The following NUAK1 variants were observed in gnomAD, a reference collection of about 807,000 sequenced individuals.
The protein encoded by NUAK1 is NUAK family kinase 1.
Under a neutral mutation model 56.9 loss-of-function variants are expected in NUAK1, and 26 were observed. The ratio of observed to expected loss-of-function variants is 0.46; its 90% CI spans 0.33 to 0.63. The LOEUF (loss-of-function observed/expected upper bound fraction) is 0.63, where lower values mean the gene tolerates loss of function less well. Ranked by LOEUF, NUAK1 falls within the 30% of genes least tolerant of loss-of-function variation. The pLI, the probability that NUAK1 is intolerant of heterozygous loss-of-function variation, is 0.02. For synonymous variants in NUAK1, 337 were observed against 336.0 expected, an observed-to-expected ratio of 1.00 and a Z score of -0.03; for missense variants, 727 against 876.1, an observed-to-expected ratio of 0.83 and a Z score of 2.15.
At chr12:106,102,402 C>T (rs1371681623) in intron 2 of NUAK1, among the ~76,000 whole-genome samples, 1 of 152,208 alleles carries the variant, frequency 6.6e-6, no homozygotes, top group Non-Finnish European at 1.5e-5. Flanking sequence ...CATATGGTAG[C>T]CACTAGCCTC....
At chr12:106,108,277 A>G (rs1474775379) in intron 1 of NUAK1, among the ~76,000 whole-genome samples, 1 of 152,242 alleles carries the variant, frequency 6.6e-6, no homozygotes, top group African/African-American at 2.4e-5. Context: ...CAGGCAATAG[A>G]GGAATAGCTA....
chr12:106,087,421 C>T (rs1214164868), intron 2 of NUAK1, among the ~76,000 whole-genome samples: 5 of 152,196 alleles, frequency 3.3e-5, no homozygotes, highest in Non-Finnish European at 7.3e-5. Flanking sequence ...CCCTACTACA[C>T]ACCCATTCCA....
At chr12:106,084,732 T>C (rs1016009209) in intron 3 of NUAK1, among the ~76,000 whole-genome samples, 3 of 152,168 alleles carry the variant, frequency 2.0e-5, no homozygotes, top group African/African-American at 4.8e-5. Flanking sequence ...GCCTTCTTCA[T>C]TCTTTTTTAA....
At position 106,067,186 on chromosome 12, in the gene NUAK1, G is replaced by A. The variant is rs1323347419; in HGVS notation, c.1602C>T (p.Gly534=). The change falls in exon 7 of 7, where the codon GGC becomes GGT. Residue 534 remains glycine, a synonymous_variant. Coordinates refer to ENST00000261402, the MANE Select transcript of NUAK1 (RefSeq NM_014840.3). The surrounding 1 kb of genome is among the most constrained non-coding windows in gnomAD (Gnocchi z 6.0). ...GGCTGACCAGGGCTGGGTCCATGGT[G>A]CCCGCTGAGTATTTGCTGCTGTGTT... ...ILKHSSKYSA[G]TMDPALVSPE... 6.2e-7 allele frequency: 1 copy of A among 1,614,090 alleles called. No homozygotes were observed. Among genetic ancestry groups the A allele is most frequent in the East Asian group, 2.2e-5 (1 of 44,866 alleles).
intron 4 of NUAK1, among the ~76,000 whole-genome samples, chr12:106,075,370 C>T (rs987042609): frequency 6.6e-6 from 1 of 150,900 alleles, no homozygotes; most frequent in Non-Finnish European, 1.5e-5. Flanking sequence ...ACTTAGGCTT[C>T]GGCTCTAAGA....
intron 4 of NUAK1, among the ~76,000 whole-genome samples, chr12:106,075,807 T>G (rs555303736): frequency 2.6e-5 from 4 of 152,376 alleles, no homozygotes; most frequent in African/African-American, 9.6e-5. Context: ...AAGGTCTCAG[T>G]TGGGCACTGG....
intron 4 of NUAK1, among the ~76,000 whole-genome samples, chr12:106,078,975 A>T (rs1282074125): frequency 3.3e-5 from 5 of 152,186 alleles, no homozygotes; most frequent in Non-Finnish European, 7.4e-5. Flanking sequence ...TGGACCAAAC[A>T]GTGCCCTCAT....
chr12:106,119,735 T>C (rs777255964), intron 1 of NUAK1, among the ~76,000 whole-genome samples: 3 of 152,130 alleles, frequency 2.0e-5, no homozygotes, highest in Non-Finnish European at 4.4e-5. Flanking sequence ...CAAAGAGGAA[T>C]GAAAGTTAAT....
chr12:106,067,837 A>T lies in NUAK1; in HGVS notation c.951T>A (p.Cys317Ter). The change falls in exon 7 of 7, where the codon TGT becomes TGA. Residue 317 changes from cysteine to a stop codon, truncating the protein, a stop_gained. Transcript: ENST00000261402. LOFTEE classifies it high-confidence loss of function. The surrounding 1 kb of genome is among the most constrained non-coding windows in gnomAD (Gnocchi z 6.0). ...NWGYKSSVCD[C>*]DALHDSESPL... ...GGGACTCAGAGTCATGGAGGGCATCACAGTCACACACGCTGCTCTTATAGC... is the reference window on the plus strand; with the variant it reads ...GGGACTCAGAGTCATGGAGGGCATCTCAGTCACACACGCTGCTCTTATAGC... 1.9e-6 allele frequency: 3 copies of T among 1,614,186 alleles called. No homozygotes were observed. Among genetic ancestry groups the T allele is most frequent in the Non-Finnish European group, 2.5e-6 (3 of 1,180,032 alleles).
intron 1 of NUAK1, among the ~76,000 whole-genome samples, chr12:106,129,739 C>T (rs182242550): frequency 6.6e-6 from 1 of 152,350 alleles, no homozygotes; most frequent in Non-Finnish European, 1.5e-5. Flanking sequence ...CAAGAGCCTA[C>T]TATGCACCAG....
intron 1 of NUAK1, among the ~76,000 whole-genome samples, chr12:106,112,811 C>G (rs1592859175): frequency 6.6e-6 from 1 of 152,362 alleles, no homozygotes; most frequent in East Asian, 1.9e-4. Flanking sequence ...GTATGTGTAG[C>G]TAGGAGCTTT....
intron 1 of NUAK1, among the ~76,000 whole-genome samples, chr12:106,112,157 C>T (rs1040825492): frequency 2.6e-5 from 4 of 152,042 alleles, no homozygotes; most frequent in African/African-American, 9.7e-5. Flanking sequence ...ATAAATATGG[C>T]ATTAGCATCA....
At chr12:106,136,574 G>T (rs2033131642) in intron 1 of NUAK1, among the ~76,000 whole-genome samples, 2 of 152,166 alleles carry the variant, frequency 1.3e-5, no homozygotes, top group East Asian at 1.9e-4. Context: ...ACAAGGGTTC[G>T]TTCGTTAGAA....
At chr12:106,084,699 G>A (rs540999548) in intron 3 of NUAK1, among the ~76,000 whole-genome samples, 4 of 151,792 alleles carry the variant, frequency 2.6e-5, no homozygotes, top group African/African-American at 7.3e-5. Flanking sequence ...ATAGGCTGTC[G>A]GTCTACACAG....
chr12:106,095,626 A>G (rs908369699), intron 2 of NUAK1, among the ~76,000 whole-genome samples: 14 of 152,262 alleles, frequency 9.2e-5, no homozygotes, highest in Admixed American at 9.2e-4. Context: ...CCGATTCAGC[A>G]GCAAAGGGGA....
At chr12:106,080,642 G>T (rs1485648607) in intron 4 of NUAK1, among the ~76,000 whole-genome samples, 1 of 152,222 alleles carries the variant, frequency 6.6e-6, no homozygotes, top group African/African-American at 2.4e-5. Flanking sequence ...ATCAGGCAGG[G>T]AAGGGGAGAG....
intron 4 of NUAK1, among the ~76,000 whole-genome samples, chr12:106,082,883 G>T (rs955956397): frequency 6.6e-6 from 1 of 152,170 alleles, no homozygotes; most frequent in African/African-American, 2.4e-5. Flanking sequence ...TTTGCCCAGG[G>T]ACCAGGGATA....
At chr12:106,069,922 A>G (rs1296502105) in intron 6 of NUAK1, among the ~76,000 whole-genome samples, 1 of 152,188 alleles carries the variant, frequency 6.6e-6, no homozygotes, top group East Asian at 1.9e-4. Context: ...ATTCCCCATC[A>G]AGAGATGAAG....
In NUAK1 at chr12:106,129,625, A is replaced by AT. The variant is rs148083336; in HGVS notation, c.240+8788dup. On this transcript the variant is annotated intron_variant, in intron 1 of 6. Transcript: ENST00000261402. Reference sequence around the variant, plus strand: ...TTCAGACTTTGGGTCCCATGCAACCATGGGAGGATTTTAAGCATGGAGAGC... The same window carrying AT: ...TTCAGACTTTGGGTCCCATGCAACCATTGGGAGGATTTTAAGCATGGAGAGC... 9.8e-3 allele frequency among the ~76,000 whole-genome samples: 1,492 copies of AT among 152,098 alleles called. 5 individuals carry two copies. The highest frequency in any genetic ancestry group is 0.015 in the Admixed American group (222 of 15,296).
Sources: allele counts gnomAD v4.1 joint callset (sites outside exome capture counted in the v4.1 genomes callset), GRCh38; gene constraint gnomAD v4.1.1; non-coding constraint Gnocchi (gnomAD v3.1); transcripts MANE v1.5; gene names NCBI Gene and HGNC (gene_info 2026-07-23, HGNC 2026-07-21).